The following MACIR variants were observed in gnomAD, a reference collection of about 807,000 sequenced individuals.
MACIR encodes the protein UNC119-binding protein C5orf30.
A neutral mutation model predicts 14.3 loss-of-function variants in MACIR; 4 were observed. The ratio of observed to expected loss-of-function variants is 0.28; its 90% CI spans 0.14 to 0.64. MACIR has a LOEUF of 0.64. MACIR is among the 30% of genes least tolerant of loss of function. The pLI is 0.83. For missense variants in MACIR, 228 were observed against 257.6 expected (o/e 0.89, Z 0.79); for synonymous variants, 101 against 102.4 (o/e 0.99, Z 0.08).
At chr5:103,269,870 A>AAT (rs1805064772) in intron 2 of MACIR, among the ~76,000 whole-genome samples, 1 of 152,158 alleles carries the variant, frequency 6.6e-6, no homozygotes, top group Non-Finnish European at 1.5e-5. Flanking sequence ...ATATTTTTGT[A>AAT]ATATATATAA....
intron 2 of MACIR, among the ~76,000 whole-genome samples, chr5:103,269,270 C>T (rs1554236941): frequency 6.6e-6 from 1 of 152,076 alleles, no homozygotes; most frequent in Non-Finnish European, 1.5e-5. Flanking sequence ...CATGATATCA[C>T]TAGACTGGTA....
chr5:103,268,301 G>A (rs140619997), intron 2 of MACIR, among the ~76,000 whole-genome samples: 1 of 152,280 alleles, frequency 6.6e-6, no homozygotes, highest in East Asian at 1.9e-4. Flanking sequence ...CTTCTAAGTA[G>A]CTAAAATAAC....
At chr5:103,269,379 A>G (rs1805045050) in intron 2 of MACIR, among the ~76,000 whole-genome samples, 1 of 152,070 alleles carries the variant, frequency 6.6e-6, no homozygotes, top group South Asian at 2.1e-4. Flanking sequence ...ACATGATGAC[A>G]TTTTTATTCT....
intron 2 of MACIR, among the ~76,000 whole-genome samples, chr5:103,267,766 G>A (rs1017505708): frequency 1.6e-4 from 25 of 152,056 alleles, no homozygotes; most frequent in Admixed American, 1.3e-3. Flanking sequence ...TAAAGTGTAC[G>A]GTTTGATGCA....
intron 2 of MACIR, among the ~76,000 whole-genome samples, chr5:103,268,180 T>C (rs1235717515): frequency 6.6e-6 from 1 of 152,218 alleles, no homozygotes. Flanking sequence ...ATTTTCATTT[T>C]TCTTGGGTTA....
chr5:103,275,500 C>T (rs1348500536), intron 2 of MACIR, among the ~76,000 whole-genome samples: 1 of 152,120 alleles, frequency 6.6e-6, no homozygotes, highest in Non-Finnish European at 1.5e-5. Context: ...TTTGTGTGTT[C>T]TTATGAAACT....
At chr5:103,273,675 A>T (rs114633778) in intron 2 of MACIR, among the ~76,000 whole-genome samples, 221 of 152,142 alleles carry the variant, frequency 1.5e-3, no homozygotes, top group African/African-American at 5.1e-3. Flanking sequence ...CCTCCTCCTC[A>T]TTACTGTAAC....
At chr5:103,265,475 A>G (rs1804891882) in intron 1 of MACIR, among the ~76,000 whole-genome samples, 1 of 152,198 alleles carries the variant, frequency 6.6e-6, no homozygotes. Flanking sequence ...TGCAGGGTCA[A>G]GAGGCAGAGT....
chr5:103,268,073 C>G (rs782611242), intron 2 of MACIR, among the ~76,000 whole-genome samples: 2 of 152,178 alleles, frequency 1.3e-5, no homozygotes, highest in African/African-American at 2.4e-5. Flanking sequence ...TTGTTTATCT[C>G]TTTCCCTGTT....
chr5:103,275,888 T>A lies in MACIR; in HGVS notation c.-23-9T>A. On this transcript the variant is annotated splice_polypyrimidine_tract_variant and intron_variant, in intron 2 of 2. Transcript: ENST00000319933. ...TATATTCTTCTAATCTAAGTCTGTT[T>A]ACTTTTAGGATTGTGCAGACTGGTG... The A allele has an allele frequency of 6.3e-7, 1 of 1,583,112 alleles. No homozygotes were observed. Among genetic ancestry groups the A allele is most frequent in the Non-Finnish European group, 8.6e-7 (1 of 1,163,176 alleles).
At chr5:103,266,710 G>C (rs1804935248) in intron 2 of MACIR, among the ~76,000 whole-genome samples, 1 of 152,032 alleles carries the variant, frequency 6.6e-6, no homozygotes, top group South Asian at 2.1e-4. Context: ...ATTCTACTTG[G>C]CCATTATCTT....
Position 103,276,277 on chromosome 5 carries a change from CCAG to C in MACIR, c.360_362del (p.Ala121del), listed in dbSNP as rs1554237703. ...TAGGTACTACCAGCCATACGAGATT[CCAG>C]CTGTCAATGGCAGGAGGCGAAGGCG... On this transcript the variant is annotated inframe_deletion, in exon 3 of 3. Transcript: ENST00000319933. 1 of 1,612,624 alleles carries C rather than the reference CCAG, an allele frequency of 6.2e-7. No individual in the cohort carries two copies. Among genetic ancestry groups the C allele is most frequent in the Non-Finnish European group, 8.5e-7 (1 of 1,179,748 alleles).
upstream of MACIR, chr5:103,258,695 C>CGGA (rs1562544029): frequency 6.5e-6 from 1 of 152,888 alleles, no homozygotes; most frequent in African/African-American, 2.4e-5. Context: ...GAGGAGGAGG[C>CGGA]GGAGGAGGAG....
rs1554237875 is a variant in MACIR at position 103,277,224 on chromosome 5, T to C, written c.*684T>C. On this transcript the variant is annotated 3_prime_UTR_variant, in exon 3 of 3. Coordinates refer to ENST00000319933, the MANE Select transcript of MACIR (RefSeq NM_033211.4). ...GTTATTAAAGTGTGTCTTAATAAAATTAAATTTGGGATACAAAGTATTTAT... is the reference window on the plus strand; with the variant it reads ...GTTATTAAAGTGTGTCTTAATAAAACTAAATTTGGGATACAAAGTATTTAT... 1.2e-5 allele frequency: 2 copies of C among 167,050 alleles called. No individual in the cohort carries two copies. The highest frequency in any genetic ancestry group is 2.9e-5 in the Non-Finnish European group (2 of 68,100). 10.3% of individuals were successfully genotyped at this position (167,050 alleles called of 1,614,324 possible).
chr5:103,268,611 G>T (rs1554236887), intron 2 of MACIR, among the ~76,000 whole-genome samples: 1 of 152,160 alleles, frequency 6.6e-6, no homozygotes, highest in Non-Finnish European at 1.5e-5. Flanking sequence ...ATGCATATTA[G>T]AATCACCTGG....
rs1805304747 is a variant in MACIR, at chr5:103,275,902, T to C, written c.-18T>C. ...CTAAGTCTGTTTACTTTTAGGATTG[T>C]GCAGACTGGTGCTTAAAATGGAAGT... On this transcript the variant is annotated 5_prime_UTR_variant, in exon 3 of 3. Coordinates refer to ENST00000319933, the MANE Select transcript of MACIR (RefSeq NM_033211.4). The C allele has an allele frequency of 8.1e-6, 13 of 1,603,790 alleles. No individual in the cohort carries two copies. The highest frequency in any genetic ancestry group is 1.1e-5 in the Non-Finnish European group (13 of 1,174,596).
Position 103,277,772 on chromosome 5 carries a change from G to A in MACIR, c.*1232G>A, listed in dbSNP as rs1034452084. ...TGTATGTAACTTACCTTTTGTAAAC[G>A]TTCCATTTCTTTTTTCCCTCATTTT... On this transcript the variant is annotated 3_prime_UTR_variant, in exon 3 of 3. Coordinates refer to ENST00000319933, the MANE Select transcript of MACIR (RefSeq NM_033211.4). 5.4e-5 allele frequency: 9 copies of A among 166,700 alleles called. No individual in the cohort carries two copies. Among genetic ancestry groups the A allele is most frequent in the Non-Finnish European group, 1.3e-4 (9 of 68,028 alleles). The allele number at this position is 166,700 out of a possible 1,614,324, so 10.3% of individuals were successfully genotyped here.
intron 1 of MACIR, among the ~76,000 whole-genome samples, chr5:103,261,010 G>T (rs1347268797): frequency 1.3e-5 from 2 of 152,188 alleles, no homozygotes; most frequent in African/African-American, 2.4e-5. Flanking sequence ...GGTCATATTT[G>T]CAGTGAAACT....
At position 103,275,928 on chromosome 5, in the gene MACIR, C is replaced by T. The variant is rs782049974; in HGVS notation, c.9C>T (p.Val3=). 1.2e-5 allele frequency: 19 copies of T among 1,609,260 alleles called. No individual in the cohort carries two copies. Among genetic ancestry groups the T allele is most frequent in the East Asian group, 2.2e-5 (1 of 44,772 alleles). Residue 3 remains valine, a synonymous_variant, in exon 3 of 3, where the codon GTC becomes GTT. Transcript: ENST00000319933. The part of the protein sequence containing the change: ME[V]DINGESRSTL... ...GCAGACTGGTGCTTAAAATGGAAGT[C>T]GATATTAATGGAGAGTCTAGAAGTA...
Sources: allele counts gnomAD v4.1 joint callset (sites outside exome capture counted in the v4.1 genomes callset), GRCh38; gene constraint gnomAD v4.1.1; transcripts MANE v1.5; gene names NCBI Gene and HGNC (gene_info 2026-07-23, HGNC 2026-07-21).